Variants in PACRG observed in about 807,000 individuals in gnomAD.
PACRG encodes the protein parkin coregulated.
A neutral mutation model predicts 29.7 loss-of-function variants in PACRG; 29 were observed. The observed-to-expected ratio is 0.98, with a 90% CI of 0.73 to 1.33. PACRG has a LOEUF of 1.33. PACRG is among the 40% of genes most tolerant of loss of function. PACRG has a pLI of 0.00. For missense variants in PACRG, 279 were observed against 316.2 expected (o/e 0.88, Z 0.89); for synonymous variants, 116 against 118.7 (o/e 0.98, Z 0.15).
At chr6:162,818,492 G>T (rs1787549152) in intron 2 of PACRG, among the ~76,000 whole-genome samples, 2 of 152,142 alleles carry the variant, frequency 1.3e-5, no homozygotes, top group South Asian at 4.1e-4. Flanking sequence ...CTCTACCTCT[G>T]CTGTGTAAAT....
At chr6:163,014,365 T>C (rs755149177) in intron 2 of PACRG, among the ~76,000 whole-genome samples, 1 of 152,208 alleles carries the variant, frequency 6.6e-6, no homozygotes, top group Non-Finnish European at 1.5e-5. Flanking sequence ...CTTTTGGATA[T>C]GTGCCCATTA....
chr6:163,120,521 C>T (rs921957116), intron 4 of PACRG, among the ~76,000 whole-genome samples: 5 of 152,276 alleles, frequency 3.3e-5, no homozygotes, highest in East Asian at 1.9e-4. Flanking sequence ...CCTGGACCCA[C>T]GGGACATGAG....
chr6:162,988,367 A>C (rs1281089039), intron 2 of PACRG, among the ~76,000 whole-genome samples: 2 of 152,216 alleles, frequency 1.3e-5, no homozygotes, highest in Non-Finnish European at 2.9e-5. Context: ...CAGGTTCAGC[A>C]TAGGTGAAAG....
intron 3 of PACRG, among the ~76,000 whole-genome samples, 184 bp downstream of exon 3, chr6:163,062,505 C>A (rs936479965): frequency 7.9e-5 from 12 of 152,192 alleles, no homozygotes; most frequent in African/African-American, 1.2e-4. Flanking sequence ...CAATATTTCA[C>A]TATGGCTTAG....
intron 4 of PACRG, among the ~76,000 whole-genome samples, chr6:163,250,182 A>G (rs1782847736): frequency 6.6e-6 from 1 of 152,272 alleles, no homozygotes; most frequent in Admixed American, 6.5e-5. Flanking sequence ...TGATAAAATA[A>G]GAACAGAGGT....
At chr6:163,099,706 T>A (rs1473899835) in intron 4 of PACRG, among the ~76,000 whole-genome samples, 2 of 152,208 alleles carry the variant, frequency 1.3e-5, no homozygotes, top group Non-Finnish European at 2.9e-5. Flanking sequence ...AGTGTAATTG[T>A]TATGCTGAAT....
chr6:162,803,676 A>G (rs906947793), intron 1 of PACRG, among the ~76,000 whole-genome samples: 2 of 152,218 alleles, frequency 1.3e-5, no homozygotes, highest in African/African-American at 2.4e-5. Flanking sequence ...ACAAATTAAC[A>G]TTAATGAGGA....
intron 4 of PACRG, among the ~76,000 whole-genome samples, chr6:163,298,957 C>A (rs1349529716): frequency 6.6e-6 from 1 of 152,190 alleles, no homozygotes; most frequent in Non-Finnish European, 1.5e-5. Context: ...AGTGGCCCCC[C>A]AAGTCCATCT....
chr6:162,761,032 C>T (rs556160312), intron 1 of PACRG, among the ~76,000 whole-genome samples: 1 of 152,282 alleles, frequency 6.6e-6, no homozygotes, highest in Non-Finnish European at 1.5e-5. Flanking sequence ...GATCACATAG[C>T]AGAGTAGAAT....
intron 2 of PACRG, among the ~76,000 whole-genome samples, chr6:162,880,101 G>A (rs986763879): frequency 3.3e-5 from 5 of 152,174 alleles, no homozygotes; most frequent in Non-Finnish European, 7.3e-5. Flanking sequence ...ACCCCCTTCT[G>A]TGGAAATGAA....
intron 1 of PACRG, among the ~76,000 whole-genome samples, chr6:162,778,624 T>A (rs756733309): frequency 2.8e-4 from 43 of 152,342 alleles, no homozygotes; most frequent in Non-Finnish European, 5.3e-4. Context: ...GGTGAAAATG[T>A]AGAGACTCAG....
At chr6:162,920,243 A>G (rs979507808) in intron 2 of PACRG, among the ~76,000 whole-genome samples, 2 of 152,210 alleles carry the variant, frequency 1.3e-5, no homozygotes, top group African/African-American at 2.4e-5. Context: ...CTCTGTATCT[A>G]CTATCTTTAG....
At chr6:162,955,200 A>G (rs565425083) in intron 2 of PACRG, among the ~76,000 whole-genome samples, 2 of 152,338 alleles carry the variant, frequency 1.3e-5, no homozygotes, top group African/African-American at 2.4e-5. Context: ...CGGGCTGACC[A>G]GGTGAGGTGG....
intron 2 of PACRG, among the ~76,000 whole-genome samples, chr6:162,986,222 A>G (rs1324974368): frequency 1.1e-4 from 17 of 152,144 alleles, no homozygotes; most frequent in Non-Finnish European, 8.8e-5. Context: ...CCCAAAATTC[A>G]TATAGAACCA....
intron 4 of PACRG, among the ~76,000 whole-genome samples, chr6:163,257,600 C>A (rs920332758): frequency 1.3e-5 from 2 of 152,148 alleles, no homozygotes; most frequent in African/African-American, 4.8e-5. Flanking sequence ...TCCTCTTCTT[C>A]CTTTTCTTAG....
At chr6:163,182,796 G>A (rs1028666052) in intron 4 of PACRG, 3 of 152,078 alleles carry the variant, frequency 2.0e-5, no homozygotes, top group African/African-American at 7.2e-5. Flanking sequence ...CACTCGTTCC[G>A]GGCCACGGAG....
chr6:162,739,226 A>C (rs1398601431), intron 1 of PACRG, among the ~76,000 whole-genome samples: 1 of 152,152 alleles, frequency 6.6e-6, no homozygotes, highest in African/African-American at 2.4e-5. Context: ...ATCTTGTTTT[A>C]ATTTTGCATT....
chr6:162,844,802 T>G (rs1436786251), intron 2 of PACRG, among the ~76,000 whole-genome samples: 1 of 152,256 alleles, frequency 6.6e-6, no homozygotes. Context: ...AAATGGTTAT[T>G]TCTTATATTT....
At chr6:162,741,775 A>G (rs540007589) in intron 1 of PACRG, among the ~76,000 whole-genome samples, 1 of 152,342 alleles carries the variant, frequency 6.6e-6, no homozygotes, top group South Asian at 2.1e-4. Context: ...AGAATGAAAC[A>G]ATATTTCTAT....
Sources: allele counts gnomAD v4.1 joint callset (sites outside exome capture counted in the v4.1 genomes callset), GRCh38; gene constraint gnomAD v4.1.1; transcripts MANE v1.5; gene names NCBI Gene and HGNC (gene_info 2026-07-23, HGNC 2026-07-21).